The following TENM2 variants were observed in gnomAD, a reference collection of about 807,000 sequenced individuals.
TENM2 encodes teneurin-2.
Under a neutral mutation model 245.2 loss-of-function variants are expected in TENM2, and 52 were observed. The ratio of observed to expected loss-of-function variants is 0.21; its 90% confidence interval spans 0.17 to 0.27. TENM2 has a LOEUF of 0.27. Ranked by LOEUF, TENM2 falls within the 10% of genes least tolerant of loss-of-function variation. TENM2 has a pLI of 1.00. For missense variants in TENM2, 3,046 were observed against 3,666.8 expected (o/e 0.83, Z 4.37); for synonymous variants, 1,363 against 1,438.9 (o/e 0.95, Z 1.19).
intron 2 of TENM2, among the ~76,000 whole-genome samples, chr5:167,429,957 C>A (rs1764116542): frequency 6.6e-6 from 1 of 151,996 alleles, no homozygotes; most frequent in Admixed American, 6.6e-5. Flanking sequence ...ACAAGGAAAC[C>A]TGGGAGAAGA....
At chr5:167,101,849 T>TTATATATATATATTTATATATA in the TENM2 span, among the ~76,000 whole-genome samples, 140 of 69,428 alleles carry the variant, frequency 2.0e-3, 1 homozygote, top group African/African-American at 6.9e-3. Context: ...ATATATATAT[T>TTATATATATATATTTATATATA]TATATATATA....
chr5:167,157,749 G>T, the TENM2 span, among the ~76,000 whole-genome samples: 17 of 152,254 alleles, frequency 1.1e-4, no homozygotes, highest in African/African-American at 3.9e-4. Flanking sequence ...TTTTAGAGGC[G>T]AACTTTTTTA....
At chr5:167,507,097 A>G (rs1226945655) in intron 2 of TENM2, among the ~76,000 whole-genome samples, 1 of 152,202 alleles carries the variant, frequency 6.6e-6, no homozygotes, top group East Asian at 1.9e-4. Context: ...TTTCTTAAGA[A>G]TGCAACTATC....
chr5:167,151,686 C>G, the TENM2 span, among the ~76,000 whole-genome samples: 1 of 151,734 alleles, frequency 6.6e-6, no homozygotes, highest in Non-Finnish European at 1.5e-5. Flanking sequence ...GCCTGGCTAA[C>G]TTTTGTATTT....
At chr5:167,098,658 G>A in the TENM2 span, among the ~76,000 whole-genome samples, 6 of 152,070 alleles carry the variant, frequency 3.9e-5, no homozygotes, top group East Asian at 5.8e-4. Flanking sequence ...AAAACATACC[G>A]AGAAAAAGGA....
intron 1 of TENM2, among the ~76,000 whole-genome samples, chr5:167,334,968 T>C (rs1266659037): frequency 6.6e-6 from 1 of 152,206 alleles, no homozygotes; most frequent in African/African-American, 2.4e-5. Context: ...TCAGAACCTC[T>C]CAGGTTATCA....
chr5:167,586,583 C>T (rs907745469), intron 2 of TENM2, among the ~76,000 whole-genome samples: 5 of 152,144 alleles, frequency 3.3e-5, no homozygotes, highest in African/African-American at 1.2e-4. Context: ...CTGTTGAATC[C>T]ACTCCTATGT....
At chr5:167,313,282 T>A (rs1424896382) in intron 1 of TENM2, among the ~76,000 whole-genome samples, 1 of 152,176 alleles carries the variant, frequency 6.6e-6, no homozygotes, top group African/African-American at 2.4e-5. Flanking sequence ...TCCAGGGGTG[T>A]ACAATCTTTT....
At chr5:167,934,033 G>A (rs755047441) in intron 3 of TENM2, among the ~76,000 whole-genome samples, 2 of 152,178 alleles carry the variant, frequency 1.3e-5, no homozygotes, top group Non-Finnish European at 2.9e-5. Context: ...TGAATATGGC[G>A]AAGACATCTA....
intron 9 of TENM2, 61 bp downstream of exon 11, chr5:168,098,188 C>A: frequency 8.1e-7 from 1 of 1,237,702 alleles, no homozygotes; most frequent in Non-Finnish European, 1.2e-6. Context: ...CTTCTCTGAG[C>A]GGGTAACAGA....
At chr5:167,159,212 G>C in the TENM2 span, among the ~76,000 whole-genome samples, 1 of 151,688 alleles carries the variant, frequency 6.6e-6, no homozygotes, top group South Asian at 2.1e-4. Context: ...CAAAGTGCTG[G>C]GATTACAGGC....
At chr5:167,645,440 A>G (rs57302052) in intron 2 of TENM2, among the ~76,000 whole-genome samples, 6,678 of 152,156 alleles carry the variant, frequency 0.044, 537 homozygotes, top group African/African-American at 0.15. Context: ...GCAAGCAAAA[A>G]TAAAATCCAG....
chr5:167,004,789 A>G, the TENM2 span, among the ~76,000 whole-genome samples: 1 of 152,170 alleles, frequency 6.6e-6, no homozygotes, highest in Admixed American at 6.5e-5. Context: ...GCCTTACGTT[A>G]TTGAATGTCA....
At chr5:168,211,534 T>C (rs540187018) in intron 19 of TENM2, among the ~76,000 whole-genome samples, 200 bp from the exon 22 acceptor site, 1 of 152,298 alleles carries the variant, frequency 6.6e-6, no homozygotes, top group African/African-American at 2.4e-5. Flanking sequence ...GTCCAGATTG[T>C]CCAATGTCTG....
chr5:168,263,260 CTCACTCAT>C (rs1364928353), downstream of TENM2: 2 of 159,548 alleles, frequency 1.3e-5, no homozygotes, highest in African/African-American at 4.8e-5. Context: ...ATCCAATTAC[CTCACTCAT>C]TCACATGTGA....
chr5:167,658,129 A>G (rs144521587), intron 2 of TENM2, among the ~76,000 whole-genome samples: 381 of 152,304 alleles, frequency 2.5e-3, no homozygotes, highest in African/African-American at 8.8e-3. Context: ...TATCAAAGCA[A>G]CAGCATTTGA....
intron 2 of TENM2, among the ~76,000 whole-genome samples, chr5:167,516,571 T>C (rs191362310): frequency 2.9e-4 from 44 of 152,320 alleles, no homozygotes; most frequent in African/African-American, 1.1e-3. Flanking sequence ...GTGGATGTCC[T>C]TTTAAATTAT....
At chr5:167,600,996 A>G (rs1334099615) in intron 2 of TENM2, among the ~76,000 whole-genome samples, 4 of 152,242 alleles carry the variant, frequency 2.6e-5, no homozygotes, top group African/African-American at 9.6e-5. Context: ...TCAAATATTT[A>G]TCAAGTGCCA....
chr5:167,122,568 T>A, the TENM2 span, among the ~76,000 whole-genome samples: 4 of 152,214 alleles, frequency 2.6e-5, no homozygotes, highest in African/African-American at 9.6e-5. Context: ...ATGTTAATGT[T>A]CCATGTTCTC....
Sources: allele counts gnomAD v4.1 joint callset (sites outside exome capture counted in the v4.1 genomes callset), GRCh38; gene constraint gnomAD v4.1.1; transcripts MANE v1.5; gene names NCBI Gene and HGNC (gene_info 2026-07-23, HGNC 2026-07-21).